RIMS1: variants seen among roughly 807,000 people sequenced by gnomAD.
RIMS1 encodes regulating synaptic membrane exocytosis protein 1.
Under a neutral mutation model 214.1 loss-of-function variants are expected in RIMS1, and 83 were observed. The ratio of observed to expected loss-of-function variants is 0.39; its 90% CI spans 0.32 to 0.47. The LOEUF (loss-of-function observed/expected upper bound fraction) is 0.47. Among genes scored for constraint, RIMS1 ranks in the 20% least tolerant of loss-of-function variants. The probability of loss-of-function intolerance (pLI) is 0.99; values close to 1 mark genes in which losing one functional copy is unlikely to be tolerated. For synonymous variants in RIMS1, 793 were observed against 786.8 expected (o/e 1.01, Z -0.13); for missense variants, 2,050 against 2,161.8 (o/e 0.95, Z 1.03).
intron 1 of RIMS1, among the ~76,000 whole-genome samples, chr6:71,952,608 G>A (rs569654458): frequency 2.6e-5 from 4 of 152,344 alleles, no homozygotes; most frequent in Admixed American, 6.5e-5. Context: ...AGGAAAACTG[G>A]AACTTGGGCA....
chr6:72,204,325 T>C (rs1487443275), intron 6 of RIMS1, among the ~76,000 whole-genome samples: 1 of 152,218 alleles, frequency 6.6e-6, no homozygotes, highest in Non-Finnish European at 1.5e-5. Flanking sequence ...GGTGCGGTGG[T>C]GAAACTCCTG....
At chr6:71,992,583 TCTC>T (rs1802124470) in intron 2 of RIMS1, among the ~76,000 whole-genome samples, 1 of 143,940 alleles carries the variant, frequency 6.9e-6, no homozygotes, top group Non-Finnish European at 1.5e-5. Context: ...TTCTTCCTCT[TCTC>T]CTTCTCCTCC....
At chr6:71,935,445 GA>G (rs796704132) in intron 1 of RIMS1, among the ~76,000 whole-genome samples, 2 of 151,770 alleles carry the variant, frequency 1.3e-5, no homozygotes, top group East Asian at 1.9e-4. Flanking sequence ...ATTTTGATAA[GA>G]AAAAAACAAA....
At position 72,279,776 on chromosome 6, in the gene RIMS1, G is replaced by C. The variant is rs367976163; in HGVS notation, c.3483-4271G>C. On this transcript the variant is annotated intron_variant, in intron 23 of 33. Transcript: ENST00000521978. Reference sequence around the variant, plus strand: ...GGTGTTATCCTCATCAACTTATTAAGGTCTATCATAGCTTGGATGAGACAC... The same window carrying C: ...GGTGTTATCCTCATCAACTTATTAACGTCTATCATAGCTTGGATGAGACAC... Among the ~76,000 whole-genome samples, 9 of 151,890 alleles carry C rather than the reference G, an allele frequency of 5.9e-5. No homozygotes were observed. The East Asian group carries it at 9.7e-4, about 16-fold the overall frequency.
At chr6:72,187,889 G>T (rs943546575) in intron 6 of RIMS1, among the ~76,000 whole-genome samples, 1 of 152,098 alleles carries the variant, frequency 6.6e-6, no homozygotes, top group African/African-American at 2.4e-5. Flanking sequence ...TTATTAAGGA[G>T]TATTGACTCA....
At chr6:72,138,507 G>A (rs1405856196) in intron 4 of RIMS1, among the ~76,000 whole-genome samples, 2 of 152,148 alleles carry the variant, frequency 1.3e-5, no homozygotes, top group African/African-American at 2.4e-5. Flanking sequence ...TTTTATATAT[G>A]TGTAAAAATG....
rs146199665 is a variant in RIMS1, at chr6:72,069,628, C to T, written c.246-27321C>T. ...TTAATGCAGGTGAGCACTTGCTTTA[C>T]TCACCCTATGATCTATATGTTGCTG... On this transcript the variant is annotated intron_variant, in intron 2 of 33. Coordinates refer to ENST00000521978, the MANE Select transcript of RIMS1 (RefSeq NM_014989.7). Among the ~76,000 whole-genome samples, 1,344 of 152,330 alleles carry T rather than the reference C, an allele frequency of 8.8e-3. 15 individuals carry two copies. Among genetic ancestry groups the T allele is most frequent in the African/African-American group, 0.031 (1,279 of 41,568 alleles).
intron 6 of RIMS1, among the ~76,000 whole-genome samples, chr6:72,208,052 A>AT (rs2053224549): frequency 6.6e-6 from 1 of 152,130 alleles, no homozygotes; most frequent in African/African-American, 2.4e-5. Flanking sequence ...GGAAATGGCA[A>AT]TTTTTTAACC....
intron 1 of RIMS1, among the ~76,000 whole-genome samples, chr6:71,927,037 G>T (rs1038470221): frequency 6.6e-5 from 10 of 152,200 alleles, no homozygotes; most frequent in African/African-American, 2.4e-4. Flanking sequence ...CCATTCCAAA[G>T]TACTGCCATT....
intron 6 of RIMS1, among the ~76,000 whole-genome samples, chr6:72,225,338 A>G (rs1036963898): frequency 2.0e-5 from 3 of 152,160 alleles, no homozygotes; most frequent in African/African-American, 7.2e-5. Context: ...TTATCATTTT[A>G]CTATTTTCAT....
intron 2 of RIMS1, among the ~76,000 whole-genome samples, chr6:72,012,803 T>C (rs1038071862): frequency 2.6e-5 from 4 of 152,214 alleles, no homozygotes; most frequent in African/African-American, 9.6e-5. Flanking sequence ...ACTTAAATTA[T>C]GTCTTAGAAA....
intron 2 of RIMS1, among the ~76,000 whole-genome samples, chr6:72,022,074 A>G (rs1242209046): frequency 6.6e-6 from 1 of 152,214 alleles, no homozygotes; most frequent in Non-Finnish European, 1.5e-5. Flanking sequence ...GGGACAACTA[A>G]GTATAATAAA....
At chr6:72,068,497 G>T (rs1829840894) in intron 2 of RIMS1, among the ~76,000 whole-genome samples, 1 of 152,288 alleles carries the variant, frequency 6.6e-6, no homozygotes, top group East Asian at 1.9e-4. Flanking sequence ...CAATAAAGCT[G>T]GGAGAAGTGG....
chr6:72,154,843 C>T (rs78162793), intron 4 of RIMS1, among the ~76,000 whole-genome samples: 4,276 of 140,622 alleles, frequency 0.03, 890 homozygotes, highest in Non-Finnish European at 0.048. Context: ...CTGGCTCCTT[C>T]TGGTGTGCAA....
intron 27 of RIMS1, among the ~76,000 whole-genome samples, chr6:72,308,793 G>A (rs1357887853): frequency 2.6e-5 from 4 of 152,106 alleles, no homozygotes; most frequent in Non-Finnish European, 5.9e-5. Flanking sequence ...CTGATGTCCC[G>A]TAGTATTGCC....
chr6:72,134,658 T>G (rs1018135958), intron 4 of RIMS1, among the ~76,000 whole-genome samples: 3 of 152,184 alleles, frequency 2.0e-5, no homozygotes, highest in Non-Finnish European at 4.4e-5. Flanking sequence ...GCATTTATAA[T>G]GTGCTTAACA....
chr6:72,106,047 T>TA (rs2034672507), intron 4 of RIMS1, among the ~76,000 whole-genome samples: 2 of 152,230 alleles, frequency 1.3e-5, no homozygotes, highest in African/African-American at 4.8e-5. Flanking sequence ...ATGTAGATCT[T>TA]AAAAAGTCCT....
intron 26 of RIMS1, among the ~76,000 whole-genome samples, chr6:72,300,154 A>G (rs2094477048): frequency 6.6e-6 from 1 of 151,788 alleles, no homozygotes; most frequent in African/African-American, 2.4e-5. Context: ...CCAGAGGGTT[A>G]AGCAGATTGA....
intron 28 of RIMS1, among the ~76,000 whole-genome samples, chr6:72,329,047 A>G (rs2096574886): frequency 6.6e-6 from 1 of 151,882 alleles, no homozygotes; most frequent in Admixed American, 6.6e-5. Flanking sequence ...AAACAAAACA[A>G]AAACATGCAT....
Sources: gnomAD v4.1 joint callset for allele counts (sites outside exome capture counted in the v4.1 genomes callset) on GRCh38, gnomAD v4.1.1 for gene constraint, MANE v1.5 for transcripts, NCBI Gene and HGNC (gene_info 2026-07-23, HGNC 2026-07-21) for gene names.